Variants in GPC5 observed in about 807,000 individuals in gnomAD.
GPC5 encodes glypican 5.
In GPC5, 47 loss-of-function variants were observed where a neutral mutation model predicts 53.9. That is an observed-to-expected ratio of 0.87 (90% CI 0.69 to 1.11). The LOEUF (loss-of-function observed/expected upper bound fraction) is 1.11. Among genes scored for constraint, GPC5 ranks in the 50% most tolerant of loss-of-function variants. GPC5 has a pLI of 0.00. For synonymous variants in GPC5, 286 were observed against 263.3 expected, an observed-to-expected ratio of 1.09 and a Z score of -0.84; for missense variants, 748 against 713.1, an observed-to-expected ratio of 1.05 and a Z score of -0.56.
At chr13:92,205,979 T>C (rs559180758) in intron 7 of GPC5, among the ~76,000 whole-genome samples, 1 of 143,464 alleles carries the variant, frequency 7.0e-6, no homozygotes, top group Non-Finnish European at 1.5e-5. Context: ...GAGGTGGAGG[T>C]TGCAGTGAGC....
At position 92,836,089 on chromosome 13, in the gene GPC5, C is replaced by A. The variant is rs112622356; in HGVS notation, c.1562-30193C>A. On this transcript the variant is annotated intron_variant, in intron 7 of 7. Transcript: ENST00000377067. ...TTTTTATTTTGACATCTTTCCTCTGCAGTGAAATATTTTCCAAAATTACTT... is the reference window on the plus strand; with the variant it reads ...TTTTTATTTTGACATCTTTCCTCTGAAGTGAAATATTTTCCAAAATTACTT... 2.6e-5 allele frequency among the ~76,000 whole-genome samples: 4 copies of A among 152,076 alleles called. 1 individual carries two copies. The highest frequency in any genetic ancestry group is 9.6e-5 in the African/African-American group (4 of 41,536).
intron 6 of GPC5, among the ~76,000 whole-genome samples, chr13:91,937,668 G>C (rs966609341): frequency 3.9e-5 from 6 of 152,112 alleles, no homozygotes; most frequent in African/African-American, 1.4e-4. Flanking sequence ...GGATTTCCAA[G>C]ATTGGATAGA....
intron 5 of GPC5, among the ~76,000 whole-genome samples, 179 bp downstream of exon 5, chr13:91,756,599 A>G (rs962271669): frequency 1.3e-5 from 2 of 151,976 alleles, no homozygotes; most frequent in South Asian, 2.1e-4. Flanking sequence ...CCTTTTAGGT[A>G]TCTTAAAACT....
At chr13:91,696,719 C>A (rs999018427) in intron 3 of GPC5, among the ~76,000 whole-genome samples, 6 of 152,010 alleles carry the variant, frequency 3.9e-5, no homozygotes, top group Non-Finnish European at 5.9e-5. Context: ...CAACTGGAAA[C>A]AAAGTTTAGT....
chr13:92,003,413 C>T (rs1363855735), intron 6 of GPC5, among the ~76,000 whole-genome samples: 1 of 150,656 alleles, frequency 6.6e-6, no homozygotes, highest in African/African-American at 2.4e-5. Flanking sequence ...GTATTTGCTC[C>T]AATCCATAGA....
intron 6 of GPC5, among the ~76,000 whole-genome samples, chr13:92,045,500 G>C (rs1202288141): frequency 2.0e-5 from 3 of 151,968 alleles, no homozygotes; most frequent in African/African-American, 7.3e-5. Context: ...GAGAGGGAGA[G>C]GATGATTTAT....
chr13:92,558,926 A>G (rs976194440), intron 7 of GPC5, among the ~76,000 whole-genome samples: 9 of 152,010 alleles, frequency 5.9e-5, no homozygotes, highest in Non-Finnish European at 2.9e-5. Context: ...GCCTTCTGAC[A>G]CATCAGATTT....
chr13:92,256,384 G>A (rs1251708025), intron 7 of GPC5, among the ~76,000 whole-genome samples: 1 of 151,802 alleles, frequency 6.6e-6, no homozygotes, highest in Non-Finnish European at 1.5e-5. Context: ...GAATCAAATA[G>A]GTTAAATTAC....
At chr13:91,821,235 A>G (rs2138833062) in intron 5 of GPC5, among the ~76,000 whole-genome samples, 1 of 152,304 alleles carries the variant, frequency 6.6e-6, no homozygotes, top group East Asian at 1.9e-4. Flanking sequence ...ATTGATATTC[A>G]CTGTTACTAT....
At chr13:91,714,687 G>A (rs534206172) in intron 3 of GPC5, among the ~76,000 whole-genome samples, 2 of 152,190 alleles carry the variant, frequency 1.3e-5, no homozygotes, top group Admixed American at 6.5e-5. Context: ...GCTGTGAGTC[G>A]AGATAATAGG....
At chr13:91,670,534 C>T (rs1041411626) in intron 2 of GPC5, among the ~76,000 whole-genome samples, 4 of 152,150 alleles carry the variant, frequency 2.6e-5, no homozygotes, top group Non-Finnish European at 5.9e-5. Context: ...AATCTTACCA[C>T]AGAAAGAAAA....
intron 7 of GPC5, among the ~76,000 whole-genome samples, chr13:92,704,588 C>T (rs74351407): frequency 2.0e-5 from 3 of 151,802 alleles, no homozygotes; most frequent in Non-Finnish European, 4.4e-5. Flanking sequence ...TTCTTAAACT[C>T]ACAAAACCAC....
Position 92,545,901 on chromosome 13 carries a change from C to T in GPC5, c.1562-320381C>T, listed in dbSNP as rs201037405. On this transcript the variant is annotated intron_variant, in intron 7 of 7. Coordinates refer to ENST00000377067, the MANE Select transcript of GPC5 (RefSeq NM_004466.6). ...TTCACTCTGATGGTAGTTTCTTTTG[C>T]TGTGCAGAAGCTCTTTAGTTTAATT... Among the ~76,000 whole-genome samples, 161 of 152,232 alleles carry T rather than the reference C, an allele frequency of 1.1e-3. 4 individuals carry two copies. In the East Asian group the frequency reaches 0.018, roughly 17 times the overall value.
At chr13:92,284,660 A>T (rs2042940734) in intron 7 of GPC5, among the ~76,000 whole-genome samples, 1 of 152,208 alleles carries the variant, frequency 6.6e-6, no homozygotes, top group Non-Finnish European at 1.5e-5. Flanking sequence ...ATCTCAATAG[A>T]TGCAGAAAAC....
intron 7 of GPC5, among the ~76,000 whole-genome samples, chr13:92,583,212 T>G (rs1883427435): frequency 6.6e-6 from 1 of 152,202 alleles, no homozygotes. Context: ...TTAAATTTTG[T>G]CAAACACATT....
intron 5 of GPC5, among the ~76,000 whole-genome samples, chr13:91,865,930 C>T (rs972395361): frequency 3.3e-5 from 5 of 152,134 alleles, no homozygotes; most frequent in East Asian, 1.9e-4. Flanking sequence ...TGCAATAGCA[C>T]GATCTCTGCT....
chr13:92,004,458 T>TTATATATATATATATATATA (rs58376767), intron 6 of GPC5, among the ~76,000 whole-genome samples: 1,151 of 82,230 alleles, frequency 0.014, 48 homozygotes, highest in Non-Finnish European at 0.018. Context: ...AAAAAAAAAA[T>TTATATATATATATATATATA]TATATATATA....
chr13:92,863,287 T>A (rs1257908935), intron 7 of GPC5, among the ~76,000 whole-genome samples: 2 of 152,160 alleles, frequency 1.3e-5, no homozygotes, highest in Non-Finnish European at 2.9e-5. Context: ...GTCACTTAAC[T>A]TTCTAGTGCC....
At chr13:92,702,367 A>G (rs976802556) in intron 7 of GPC5, among the ~76,000 whole-genome samples, 1 of 152,094 alleles carries the variant, frequency 6.6e-6, no homozygotes, top group Admixed American at 6.6e-5. Context: ...TCTAAACAGC[A>G]TCTTAAATTT....
Sources: allele counts gnomAD v4.1 joint callset (sites outside exome capture counted in the v4.1 genomes callset), GRCh38; gene constraint gnomAD v4.1.1; transcripts MANE v1.5; gene names NCBI Gene and HGNC (gene_info 2026-07-23, HGNC 2026-07-21).